The following ITGB8 variants were observed in gnomAD, a reference collection of about 807,000 sequenced individuals.
The protein encoded by ITGB8 is integrin subunit beta 8, also known as integrin beta-8.
ITGB8 carries 30 observed loss-of-function variants against 89.5 expected under a neutral mutation model. The ratio of observed to expected loss-of-function variants is 0.34; its 90% CI spans 0.25 to 0.45. The LOEUF is 0.45. Among genes scored for constraint, ITGB8 ranks in the 20% least tolerant of loss-of-function variants. ITGB8 has a pLI of 1.00. For missense variants in ITGB8, 836 were observed against 933.3 expected (o/e 0.90, Z 1.36); for synonymous variants, 335 against 320.4 (o/e 1.05, Z -0.49).
At chr7:20,344,569 AG>A (rs1784861255) in intron 1 of ITGB8, among the ~76,000 whole-genome samples, 1 of 152,242 alleles carries the variant, frequency 6.6e-6, no homozygotes, top group African/African-American at 2.4e-5. Flanking sequence ...GAGTAGAGTG[AG>A]GACATCACAA....
upstream of ITGB8, chr7:20,329,802 A>C (rs1181700977): frequency 6.6e-6 from 1 of 152,110 alleles, no homozygotes; most frequent in African/African-American, 2.4e-5. Context: ...AAAGAGAACC[A>C]TCACCGTGTT....
intron 6 of ITGB8, among the ~76,000 whole-genome samples, chr7:20,388,929 G>T (rs1335497081): frequency 6.6e-6 from 1 of 152,018 alleles, no homozygotes; most frequent in African/African-American, 2.4e-5. Context: ...GAGAATGATG[G>T]TTTCCAGCTT....
At chr7:20,389,742 T>C (rs17456204) in intron 6 of ITGB8, among the ~76,000 whole-genome samples, 35,553 of 152,020 alleles carry the variant, frequency 0.23, 5,227 homozygotes, top group Non-Finnish European at 0.33. Context: ...CTTTATTCAC[T>C]AGCATTATGC....
intron 8 of ITGB8, among the ~76,000 whole-genome samples, chr7:20,395,672 T>C (rs1787044762): frequency 6.6e-6 from 1 of 152,232 alleles, no homozygotes; most frequent in African/African-American, 2.4e-5. Flanking sequence ...TGCTACTTTT[T>C]TACCACTAAG....
chr7:20,363,587 A>T, intron 1 of ITGB8, 50 bp from the exon 2 acceptor site: 1 of 1,120,708 alleles, frequency 8.9e-7, no homozygotes, highest in Non-Finnish European at 1.3e-6. Context: ...AGAATTATAT[A>T]CGCTTTCTAT....
At chr7:20,397,969 T>C (rs1787158548) in intron 8 of ITGB8, among the ~76,000 whole-genome samples, 1 of 152,118 alleles carries the variant, frequency 6.6e-6, no homozygotes, top group Non-Finnish European at 1.5e-5. Context: ...TGTTTGTTTT[T>C]TTTTTGGCAA....
chr7:20,352,810 C>T (rs1399963142), intron 1 of ITGB8: 1 of 152,228 alleles, frequency 6.6e-6, no homozygotes, highest in African/African-American at 2.4e-5. Context: ...TTTCAGTTTA[C>T]ACGTCTTGCA....
At chr7:20,343,836 C>A (rs1049008686) in intron 1 of ITGB8, among the ~76,000 whole-genome samples, 3 of 152,162 alleles carry the variant, frequency 2.0e-5, no homozygotes, top group East Asian at 1.9e-4. Flanking sequence ...TAATTAAATT[C>A]TATGGCCATT....
intron 3 of ITGB8, among the ~76,000 whole-genome samples, chr7:20,371,533 A>T (rs1176317674): frequency 1.5e-4 from 23 of 152,172 alleles, no homozygotes; most frequent in Admixed American, 1.5e-3. Context: ...ATAAACTTTT[A>T]AAAAAGTATA....
chr7:20,353,613 A>G (rs938035582), intron 1 of ITGB8, among the ~76,000 whole-genome samples: 1 of 152,222 alleles, frequency 6.6e-6, no homozygotes, highest in South Asian at 2.1e-4. Context: ...CAGCTGAACT[A>G]CACAATATCA....
intron 10 of ITGB8, among the ~76,000 whole-genome samples, chr7:20,404,047 G>A (rs962984900): frequency 6.6e-6 from 1 of 152,126 alleles, no homozygotes; most frequent in Non-Finnish European, 1.5e-5. Flanking sequence ...CAGTATAGAG[G>A]AGGATCTGCT....
At chr7:20,335,399 C>T (rs1784541791) in intron 1 of ITGB8, among the ~76,000 whole-genome samples, 3 of 152,120 alleles carry the variant, frequency 2.0e-5, no homozygotes, top group Admixed American at 6.5e-5. Flanking sequence ...TTTTGATACG[C>T]ATGTATATGA....
In ITGB8 at chr7:20,387,115, C is replaced by G. The variant is rs563757245; in HGVS notation, c.961-4288C>G. Among the ~76,000 whole-genome samples, 26 of 152,350 alleles carry G rather than the reference C, an allele frequency of 1.7e-4. 1 individual carries two copies. Among genetic ancestry groups the G allele is most frequent in the Admixed American group, 1.6e-3 (24 of 15,306 alleles). ...TTATTAAGCAGTCATTTGTTAAAAA[C>G]TGTCTTTTCTTGAGCAGACCTATGG... On this transcript the variant is annotated intron_variant, in intron 6 of 13. Transcript: ENST00000222573.
chr7:20,381,231 C>T (rs35900176), intron 5 of ITGB8: 21,632 of 157,652 alleles, frequency 0.14, 1,877 homozygotes, highest in Middle Eastern at 0.29. Flanking sequence ...GGCGCCATCT[C>T]GGCTCACTGC....
chr7:20,388,805 G>A (rs1173697260), intron 6 of ITGB8, among the ~76,000 whole-genome samples: 3 of 152,012 alleles, frequency 2.0e-5, no homozygotes, highest in Non-Finnish European at 4.4e-5. Flanking sequence ...ACCCCTGACA[G>A]GCCCTGGTGT....
At chr7:20,385,347 C>G (rs532533342) in intron 6 of ITGB8, among the ~76,000 whole-genome samples, 1 of 152,324 alleles carries the variant, frequency 6.6e-6, no homozygotes, top group Admixed American at 6.5e-5. Flanking sequence ...CTAGTGCATA[C>G]CATATATTCA....
upstream of ITGB8, chr7:20,330,777 T>G (rs1784350207): frequency 6.6e-6 from 1 of 151,928 alleles, no homozygotes; most frequent in Non-Finnish European, 1.5e-5. Context: ...TCCTAGCAAC[T>G]CTCTGCCCTG....
At chr7:20,358,455 T>G (rs1047067968) in intron 1 of ITGB8, among the ~76,000 whole-genome samples, 3 of 152,132 alleles carry the variant, frequency 2.0e-5, no homozygotes, top group Non-Finnish European at 4.4e-5. Context: ...ATGTCAACTT[T>G]CTAACCCTTT....
intron 6 of ITGB8, among the ~76,000 whole-genome samples, chr7:20,388,990 A>T (rs1240997265): frequency 6.6e-6 from 1 of 152,206 alleles, no homozygotes; most frequent in Admixed American, 6.5e-5. Flanking sequence ...ATGGCTTCAT[A>T]GTATTCCGTG....
Sources: allele counts gnomAD v4.1 joint callset (sites outside exome capture counted in the v4.1 genomes callset), GRCh38; gene constraint gnomAD v4.1.1; transcripts MANE v1.5; gene names NCBI Gene and HGNC (gene_info 2026-07-23, HGNC 2026-07-21).